The following CCL5 variants were observed in gnomAD, a reference collection of about 807,000 sequenced individuals.
CCL5 encodes the protein C-C motif chemokine 5.
Under a neutral mutation model 9.0 loss-of-function variants are expected in CCL5, and 5 were observed. The ratio of observed to expected loss-of-function variants is 0.55; its 90% CI spans 0.29 to 1.16. The LOEUF is 1.16. CCL5 is among the 50% of genes most tolerant of loss of function. CCL5 has a pLI of 0.08. For synonymous variants in CCL5, 66 were observed against 72.0 expected (o/e 0.92, Z 0.42); for missense variants, 183 against 183.2 (o/e 1.00, Z 0.01).
chr17:35,873,761 A>G (rs2088406913), intron 3 of CCL5, among the ~76,000 whole-genome samples: 1 of 152,224 alleles, frequency 6.6e-6, no homozygotes, highest in Non-Finnish European at 1.5e-5. Flanking sequence ...GAAAAATACC[A>G]TTCATGTGTT....
intron 1 of CCL5, 28 bp downstream of exon 1, chr17:35,880,202 G>A: frequency 6.3e-7 from 1 of 1,593,720 alleles, no homozygotes; most frequent in Non-Finnish European, 8.6e-7. Flanking sequence ...TGACTCCAGG[G>A]GCTGTGGTGG....
rs2088367589 is a variant in CCL5, at chr17:35,871,853, T to A, written c.*417A>T. On this transcript the variant is annotated 3_prime_UTR_variant, in exon 4 of 4. Coordinates refer to ENST00000651122, the MANE Select transcript of CCL5 (RefSeq NM_001278736.2). ...ACCTCCTGGGTTCAAACAATTTTCC[T>A]GCCTTAGCCTCCCGAGTAGCTGGGA... is the stretch of plus-strand genomic sequence containing the variant. The A allele has an allele frequency of 6.6e-6, 1 of 151,992 alleles. No homozygotes were observed. Among genetic ancestry groups the A allele is most frequent in the African/African-American group, 2.4e-5 (1 of 41,344 alleles). The allele number at this position is 151,992 out of a possible 1,614,324, so 9.4% of individuals were successfully genotyped here.
chr17:35,879,180 G>A (rs1455663634), intron 1 of CCL5, among the ~76,000 whole-genome samples: 1 of 152,164 alleles, frequency 6.6e-6, no homozygotes, highest in African/African-American at 2.4e-5. Flanking sequence ...CCCAGCAGAG[G>A]AGTAGTTTTT....
chr17:35,872,646 A>T (rs970546164), intron 3 of CCL5, among the ~76,000 whole-genome samples, 182 bp from the exon 3 acceptor site: 3 of 152,116 alleles, frequency 2.0e-5, no homozygotes, highest in Non-Finnish European at 4.4e-5. Flanking sequence ...CATCTGTTGG[A>T]TCAAAGGGCT....
At chr17:35,876,001 C>G (rs904219205) in intron 2 of CCL5, among the ~76,000 whole-genome samples, 1 of 152,044 alleles carries the variant, frequency 6.6e-6, no homozygotes, top group Non-Finnish European at 1.5e-5. Flanking sequence ...TTTTTGTGTA[C>G]GCAATAATGC....
chr17:35,876,524 C>T (rs1348062704), intron 2 of CCL5, among the ~76,000 whole-genome samples: 1 of 152,212 alleles, frequency 6.6e-6, no homozygotes, highest in African/African-American at 2.4e-5. Context: ...CTCAAATCAC[C>T]TGCTAGGGCT....
chr17:35,880,161 T>C, intron 1 of CCL5, 69 bp downstream of exon 1: 4 of 1,239,098 alleles, frequency 3.2e-6, no homozygotes, highest in Non-Finnish European at 3.6e-6. Flanking sequence ...GGGACAGTCA[T>C]TGGGATGGGG....
intron 1 of CCL5, among the ~76,000 whole-genome samples, chr17:35,879,635 CAAAAA>C (rs35764706): frequency 4.1e-5 from 2 of 48,670 alleles, no homozygotes; most frequent in Non-Finnish European, 8.9e-5. Context: ...GACTCCATCT[CAAAAA>C]AAAAAAAAAA....
rs55633465 is a variant in CCL5 at position 35,871,916 on chromosome 17, ATTTT to A, written c.*350_*353del. On this transcript the variant is annotated 3_prime_UTR_variant, in exon 4 of 4. Transcript: ENST00000651122. ...GCCACCACGCCCGGCTAATTTTTGT[ATTTT>A]TTTTTTTTTTTTTTTTTTTGAGACG... The A allele has an allele frequency of 7.1e-4, 54 of 75,612 alleles. 1 individual carries two copies. Among genetic ancestry groups the A allele is most frequent in the African/African-American group, 2.7e-3 (50 of 18,788 alleles). The allele number at this position is 75,612 out of a possible 1,614,324, so 4.7% of individuals were successfully genotyped here. A position where few individuals can be genotyped will look rare whatever the true frequency, so the allele number is the denominator to read the frequency against.
At chr17:35,877,889 G>A (rs532700783) in intron 2 of CCL5, among the ~76,000 whole-genome samples, 1 of 152,216 alleles carries the variant, frequency 6.6e-6, no homozygotes, top group Admixed American at 6.5e-5. Context: ...ATGGGGGACT[G>A]TGTGAAATAT....
chr17:35,873,386 A>T (rs2088400725), intron 3 of CCL5, among the ~76,000 whole-genome samples: 1 of 148,726 alleles, frequency 6.7e-6, no homozygotes, highest in Admixed American at 6.7e-5. Context: ...ACAGAGTTTC[A>T]CTGTGTTAGC....
At chr17:35,876,647 A>G (rs2088444682) in intron 2 of CCL5, among the ~76,000 whole-genome samples, 1 of 152,250 alleles carries the variant, frequency 6.6e-6, no homozygotes, top group African/African-American at 2.4e-5. Flanking sequence ...TAACAACAGT[A>G]GCCGCTAAAC....
At position 35,872,986 on chromosome 17, in the gene CCL5, T is replaced by C. The variant is rs577638977; in HGVS notation, c.271-522A>G. Among the ~76,000 whole-genome samples, 10 of 150,960 alleles carry C rather than the reference T, an allele frequency of 6.6e-5. No individual in the cohort carries two copies. In the East Asian group the frequency reaches 1.4e-3, roughly 21 times the overall value. On this transcript the variant is annotated intron_variant, in intron 3 of 3. Coordinates refer to ENST00000651122, the MANE Select transcript of CCL5 (RefSeq NM_001278736.2). ...CTCACTGCAACTTTCGCCTCCCGGG[T>C]TCAAGCGGTTCTCCTGCCTTAGTCT... is the stretch of plus-strand genomic sequence containing the variant.
chr17:35,875,603 G>C lies in CCL5; in HGVS notation c.228C>G (p.Val76=), dbSNP rs1327993992. The change falls in exon 3 of 4, where the codon GTC becomes GTG. Residue 76 remains valine, a synonymous_variant. Transcript: ENST00000651122. ...GGGAGTCATACAGGAAATCCTGCCAGACTTGCTGTCCCTCTCTCTTTGGCA... is the reference window on the plus strand; with the variant it reads ...GGGAGTCATACAGGAAATCCTGCCACACTTGCTGTCCCTCTCTCTTTGGCA... 14 of 985,336 alleles carry C rather than the reference G, an allele frequency of 1.4e-5. No homozygotes were observed. The highest frequency in any genetic ancestry group is 1.4e-5 in the Non-Finnish European group (12 of 829,948). 61.0% of individuals were successfully genotyped at this position (985,336 alleles called of 1,614,324 possible).
chr17:35,878,463 G>T, intron 2 of CCL5, 65 bp downstream of exon 2: 1 of 1,090,356 alleles, frequency 9.2e-7, no homozygotes. Context: ...AAGTGGGTAG[G>T]GCATCCTCTC....
In CCL5 at chr17:35,880,337, C is replaced by T. The variant is rs1427293284; in HGVS notation, c.-32G>A. 3.8e-6 allele frequency: 6 copies of T among 1,573,214 alleles called. No individual in the cohort carries two copies. The highest frequency in any genetic ancestry group is 4.3e-6 in the Non-Finnish European group (5 of 1,150,636). On this transcript the variant is annotated 5_prime_UTR_variant, in exon 1 of 4. The change creates a new upstream start codon in the 5' untranslated region. Transcript: ENST00000651122. ...TGTGGGAGAGGCTGTGCGAGGTCCA[C>T]GTGCTGTCTTGATCCTCTGCAGGAA... is the stretch of plus-strand genomic sequence containing the variant.
intron 3 of CCL5, among the ~76,000 whole-genome samples, chr17:35,875,313 C>T (rs1486172539): frequency 6.6e-6 from 1 of 152,020 alleles, no homozygotes; most frequent in Admixed American, 6.6e-5. Flanking sequence ...TTGGATGTAT[C>T]CTGCACATTC....
At chr17:35,873,383 T>C (rs935453825) in intron 3 of CCL5, among the ~76,000 whole-genome samples, 1 of 151,486 alleles carries the variant, frequency 6.6e-6, no homozygotes, top group Admixed American at 6.6e-5. Context: ...GAGACAGAGT[T>C]TCACTGTGTT....
intron 1 of CCL5, among the ~76,000 whole-genome samples, chr17:35,879,405 C>T (rs1171081592): frequency 1.3e-5 from 2 of 152,074 alleles, no homozygotes; most frequent in African/African-American, 2.4e-5. Flanking sequence ...GAGGCCGAGG[C>T]GGGCGGATCA....
Sources: allele counts gnomAD v4.1 joint callset (sites outside exome capture counted in the v4.1 genomes callset), GRCh38; gene constraint gnomAD v4.1.1; transcripts MANE v1.5; gene names NCBI Gene and HGNC (gene_info 2026-07-23, HGNC 2026-07-21).